The following BPIFB4 variants were observed in gnomAD, a reference collection of about 807,000 sequenced individuals.
The protein encoded by BPIFB4 is BPI fold-containing family B member 4.
A neutral mutation model predicts 69.2 loss-of-function variants in BPIFB4; 62 were observed. The observed-to-expected ratio is 0.90, with a 90% confidence interval of 0.73 to 1.11. BPIFB4 has a LOEUF of 1.11. Among genes scored for constraint, BPIFB4 ranks in the 50% least tolerant of loss-of-function variants. The probability of loss-of-function intolerance (pLI) is 0.00; values close to 1 mark genes in which losing one functional copy is unlikely to be tolerated. For synonymous variants in BPIFB4, 330 were observed against 332.7 expected (o/e 0.99, Z 0.09); for missense variants, 789 against 792.0 (o/e 1.00, Z 0.04).
At position 33,083,494 on chromosome 20, in the gene BPIFB4, G is replaced by T. The variant is rs113223716; in HGVS notation, c.297G>T (p.Leu99=). 160 of 1,613,920 alleles carry T rather than the reference G, an allele frequency of 9.9e-5. No individual in the cohort carries two copies. In the African/African-American group the frequency reaches 1.8e-3, roughly 18 times the overall value. Residue 99 remains leucine (L), a synonymous_variant, in exon 5 of 18, where the codon CTG becomes CTT. Transcript: ENST00000375483. ...AGACCAACGACAACACTGCTCAGCT[G>T]GGGGGCAAATACCGATATGGTGAGA... ...HIETNDNTAQ[L]GGKYRYGEIL...
Position 33,081,598 on chromosome 20 carries a change from G to A in BPIFB4, c.72G>A (p.Thr24=), listed in dbSNP as rs1439551576. ...AVCGTSHETN[T]VLRVTKDVLS... ...GTGGCACCAGCCACGAGACAAACAC[G>A]GTCCTCAGGGTGACGAAAGATGTGT... Residue 24 remains threonine (T), a synonymous_variant, in exon 3 of 18, where the codon ACG becomes ACA. Transcript: ENST00000375483. The A allele has an allele frequency of 1.9e-5, 29 of 1,551,604 alleles. No homozygotes were observed. Among genetic ancestry groups the A allele is most frequent in the Middle Eastern group, 1.7e-4 (1 of 6,014 alleles).
Position 33,097,644 on chromosome 20 carries a change from C to T in BPIFB4, c.1426C>T (p.Pro476Ser). The T allele has an allele frequency of 6.2e-7, 1 of 1,614,074 alleles. No homozygotes were observed. Among genetic ancestry groups the T allele is most frequent in the Non-Finnish European group, 8.5e-7 (1 of 1,179,960 alleles). Residue 476 changes from proline (P) to serine (S), a missense_variant, in exon 13 of 18, where the codon CCA becomes TCA. Around this residue, in one of 3 missense-constraint regions of BPIFB4, gnomAD observed 170 missense variants for 193.6 expected, o/e 0.88. Transcript: ENST00000375483. ...KVFQQYPESC[P>S]LIIRIQVLNP... Reference sequence around the variant, plus strand: ...GTTCCAGCAGTACCCCGAGTCCTGCCCACTTATCATCAGGATCCAGGTGCT... The same window carrying T: ...GTTCCAGCAGTACCCCGAGTCCTGCTCACTTATCATCAGGATCCAGGTGCT...
Position 33,091,722 on chromosome 20 carries a change from C to T in BPIFB4, c.1144-736C>T, listed in dbSNP as rs147025797. On this transcript the variant is annotated intron_variant, in intron 10 of 17. Coordinates refer to ENST00000375483, the MANE Select transcript of BPIFB4 (RefSeq NM_182519.3). ...GGCTCTGGGCTGAGTGCTGGAAGTA[C>T]AGTGATGAACAAGACAAAGTCTCTG... 5.4e-4 allele frequency among the ~76,000 whole-genome samples: 83 copies of T among 152,338 alleles called. 1 individual carries two copies. Among genetic ancestry groups the T allele is most frequent in the African/African-American group, 2.0e-3 (82 of 41,582 alleles).
chr20:33,090,898 G>A, intron 10 of BPIFB4, 99 bp downstream of exon 10: 2 of 1,433,558 alleles, frequency 1.4e-6, no homozygotes, highest in South Asian at 1.2e-5. Flanking sequence ...TGCCTGGGAA[G>A]TAACACTTGA....
At chr20:33,105,878 G>A (rs1056886977) in intron 16 of BPIFB4, among the ~76,000 whole-genome samples, 1 of 152,292 alleles carries the variant, frequency 6.6e-6, no homozygotes, top group Middle Eastern at 3.4e-3. Flanking sequence ...ACTAAGAGTG[G>A]TGTGAACTTG....
intron 14 of BPIFB4, among the ~76,000 whole-genome samples, chr20:33,102,659 A>G (rs1210004032): frequency 6.6e-6 from 1 of 152,236 alleles, no homozygotes; most frequent in East Asian, 1.9e-4. Context: ...CTTTAGTCCT[A>G]GCAGCCACCC....
Position 33,104,848 on chromosome 20 carries a change from C to G in BPIFB4, c.1719C>G (p.Asp573Glu), listed in dbSNP as rs182146319. Residue 573 changes from aspartate (D) to glutamate (E), a missense_variant, in exon 16 of 18, where the codon GAC (aspartate) becomes GAG (glutamate). By Grantham distance (45) the Asp-to-Glu change is conservative (BLOSUM62 2). Coordinates refer to ENST00000375483, the MANE Select transcript of BPIFB4 (RefSeq NM_182519.3). The part of the protein sequence containing the change: ...LMEVLVEKIF[D>E]LAFMPAMNAV... ...AGGTGCTGGTGGAGAAGATTTTTGA[C>G]CTGGCATTCATGCCCGCAATGAACG... 1 of 1,614,174 alleles carries G rather than the reference C, an allele frequency of 6.2e-7. No individual in the cohort carries two copies. Among genetic ancestry groups the G allele is most frequent in the Non-Finnish European group, 8.5e-7 (1 of 1,180,014 alleles).
At position 33,091,993 on chromosome 20, in the gene BPIFB4, G is replaced by A. The variant is rs370595894; in HGVS notation, c.1144-465G>A. On this transcript the variant is annotated intron_variant, in intron 10 of 17. Transcript: ENST00000375483. ...ATGTGGGGAAGGGAATATCCTGTGG[G>A]AAGGCTCCATGGTGGGGGTAGTGGT... Among the ~76,000 whole-genome samples the A allele has an allele frequency of 1.3e-3, 195 of 152,284 alleles. 1 individual carries two copies. The highest frequency in any genetic ancestry group is 2.7e-3 in the Admixed American group (42 of 15,304).
chr20:33,089,006 C>T lies in BPIFB4; in HGVS notation c.967C>T (p.Leu323=). 6.2e-7 allele frequency: 1 copy of T among 1,613,906 alleles called. No individual in the cohort carries two copies. The highest frequency in any genetic ancestry group is 8.5e-7 in the Non-Finnish European group (1 of 1,179,842). The change falls in exon 8 of 18, where the codon CTG becomes TTG. Residue 323 remains leucine, a synonymous_variant. Coordinates refer to ENST00000375483, the MANE Select transcript of BPIFB4 (RefSeq NM_182519.3). The stretch of plus-strand genomic sequence containing the variant: ...CGTGGACAATTTAGTGAACCGAGTC[C>T]TGGCCGACGTCCTCCCTGACTTGGT... The part of the protein sequence containing the change: ...NLVDNLVNRV[L]ADVLPDLLCP...
chr20:33,094,390 G>T (rs890194543), intron 11 of BPIFB4, among the ~76,000 whole-genome samples: 3 of 152,220 alleles, frequency 2.0e-5, no homozygotes, highest in Non-Finnish European at 4.4e-5. Flanking sequence ...TAGTACAGGT[G>T]GTTCAAGGAT....
At chr20:33,105,000 C>G (rs1191541284) in intron 16 of BPIFB4, 127 bp downstream of exon 16, 1 of 931,510 alleles carries the variant, frequency 1.1e-6, no homozygotes, top group East Asian at 2.8e-5. Context: ...TCCTTTGAAG[C>G]GTGTCGATGA....
intron 1 of BPIFB4, among the ~76,000 whole-genome samples, chr20:33,080,210 A>T (rs1981188524): frequency 6.6e-6 from 1 of 151,970 alleles, no homozygotes; most frequent in African/African-American, 2.4e-5. Context: ...GTGAAGTCCA[A>T]GAGAAATGGG....
At chr20:33,090,667 TG>T in intron 9 of BPIFB4, 40 bp from the exon 10 acceptor site, 1 of 1,610,346 alleles carries the variant, frequency 6.2e-7, no homozygotes, top group Non-Finnish European at 8.5e-7. Flanking sequence ...GGCATCTGGA[TG>T]GTGAGGGGAC....
Position 33,092,626 on chromosome 20 carries a change from C to T in BPIFB4, c.1312C>T (p.His438Tyr). The change falls in exon 11 of 18, where the codon CAT (histidine) becomes TAT (tyrosine). Residue 438 changes from histidine (H) to tyrosine (Y), a missense_variant. By Grantham distance (83) the His-to-Tyr change is moderately conservative. Transcript: ENST00000375483. ...GSVLTLLQKQ[H>Y]ALDLDITNGM... ...AGTGCTGACTCTACTGCAGAAGCAG[C>T]ATGCTCTAGACCTGGATATCACCAA... The T allele has an allele frequency of 3.1e-6, 5 of 1,612,608 alleles. No individual in the cohort carries two copies. Among genetic ancestry groups the T allele is most frequent in the Non-Finnish European group, 4.2e-6 (5 of 1,180,010 alleles).
chr20:33,111,600 G>C lies in BPIFB4; in HGVS notation c.*163G>C. 1 of 830,544 alleles carries C rather than the reference G, an allele frequency of 1.2e-6. No homozygotes were observed. The highest frequency in any genetic ancestry group is 1.9e-6 in the Non-Finnish European group (1 of 525,904). The allele number at this position is 830,544 out of a possible 1,614,324, so 51.4% of individuals were successfully genotyped here. On this transcript the variant is annotated 3_prime_UTR_variant, in exon 18 of 18. Coordinates refer to ENST00000375483, the MANE Select transcript of BPIFB4 (RefSeq NM_182519.3). ...CTCCCTTGCCCCAACCCTGAGAAAG[G>C]GTCCAGCCACTACCCTGTTGGCAAA...
At position 33,083,886 on chromosome 20, in the gene BPIFB4, A is replaced by G. The variant is rs771328843; in HGVS notation, c.677+12A>G. The G allele has an allele frequency of 4.4e-6, 7 of 1,591,294 alleles. No homozygotes were observed. Among genetic ancestry groups the G allele is most frequent in the Non-Finnish European group, 5.1e-6 (6 of 1,167,806 alleles). ...CAAGGCATCACGGGGTAAGGAGGGG[A>G]CGGGTTCTCCCCAGAAAGCCCCCAT... On this transcript the variant is annotated intron_variant, in intron 5 of 17. Transcript: ENST00000375483.
chr20:33,088,365 A>G lies in BPIFB4; in HGVS notation c.927-601A>G, dbSNP rs1981497815. ...CAAAAAAAAAAAAAAAAGAAAAGAA[A>G]AAGAAAAAGAGCTGCATGGCTTACT... On this transcript the variant is annotated intron_variant, in intron 7 of 17. Coordinates refer to ENST00000375483, the MANE Select transcript of BPIFB4 (RefSeq NM_182519.3). Among the ~76,000 whole-genome samples, 3 of 152,130 alleles carry G rather than the reference A, an allele frequency of 2.0e-5. No homozygotes were observed. The South Asian group carries it at 6.2e-4, about 32-fold the overall frequency.
chr20:33,091,467 G>A (rs78271310), intron 10 of BPIFB4, among the ~76,000 whole-genome samples: 2 of 152,224 alleles, frequency 1.3e-5, no homozygotes, highest in African/African-American at 4.8e-5. Context: ...TATGGGGCAC[G>A]CACACATATG....
At position 33,102,961 on chromosome 20, in the gene BPIFB4, T is replaced by G. The variant is rs769584384; in HGVS notation, c.1638-11T>G. On this transcript the variant is annotated splice_polypyrimidine_tract_variant and intron_variant, in intron 14 of 17. Coordinates refer to ENST00000375483, the MANE Select transcript of BPIFB4 (RefSeq NM_182519.3). Reference sequence around the variant, plus strand: ...TCCCTGCTTCTCACAGGCTGTTTTCTTCGTCTACAGGACCAGCCTCAACCT... The same window carrying G: ...TCCCTGCTTCTCACAGGCTGTTTTCGTCGTCTACAGGACCAGCCTCAACCT... 12 of 1,613,882 alleles carry G rather than the reference T, an allele frequency of 7.4e-6. No individual in the cohort carries two copies. The highest frequency in any genetic ancestry group is 1.0e-5 in the Non-Finnish European group (12 of 1,179,852).
Sources: gnomAD v4.1 joint callset for allele counts (sites outside exome capture counted in the v4.1 genomes callset) on GRCh38, gnomAD v4.1.1 for gene constraint, gnomAD v4.1.1 regional missense constraint, MANE v1.5 for transcripts, NCBI Gene and HGNC (gene_info 2026-07-23, HGNC 2026-07-21) for gene names.